The following COMT variants were observed in gnomAD, a reference collection of about 807,000 sequenced individuals.
The protein encoded by COMT is catechol-O-methyltransferase.
In COMT, 13 loss-of-function variants were observed where a neutral mutation model predicts 18.9. That is an observed-to-expected ratio of 0.69 (90% CI 0.45 to 1.09). The LOEUF (loss-of-function observed/expected upper bound fraction) is 1.09. COMT is among the 50% of genes least tolerant of loss of function. The pLI is 0.00. For missense variants in COMT, 329 were observed against 361.8 expected, an observed-to-expected ratio of 0.91 and a Z score of 0.73; for synonymous variants, 150 against 160.9, an observed-to-expected ratio of 0.93 and a Z score of 0.51.
At position 19,962,734 on chromosome 22, in the gene COMT, G is replaced by A. The variant is rs149909767; in HGVS notation, c.208G>A (p.Gly70Arg). The change falls in exon 3 of 6, where the codon GGG becomes AGG. Residue 70 changes from glycine to arginine, a missense_variant. Physicochemically the swap from Gly to Arg is moderately radical, Grantham distance 125 (BLOSUM62 -2). Coordinates refer to ENST00000361682, the MANE Select transcript of COMT (RefSeq NM_000754.4). ...CCACGTGCTGCAGCATGCGGAGCCC[G>A]GGAACGCACAGAGCGTGCTGGAGGC... ...LNHVLQHAEP[G>R]NAQSVLEAID... 10 of 1,613,752 alleles carry A rather than the reference G, an allele frequency of 6.2e-6. No homozygotes were observed. The highest frequency in any genetic ancestry group is 4.0e-5 in the African/African-American group (3 of 75,062).
Position 19,941,874 on chromosome 22 carries a change from C to G in COMT, c.-115C>G. 7.2e-7 allele frequency: 1 copy of G among 1,392,150 alleles called. No homozygotes were observed. The highest frequency in any genetic ancestry group is 9.3e-7 in the Non-Finnish European group (1 of 1,078,838). 86.2% of individuals were successfully genotyped at this position (1,392,150 alleles called of 1,614,324 possible). On this transcript the variant is annotated 5_prime_UTR_variant, in exon 1 of 6. Transcript: ENST00000361682. The stretch of plus-strand genomic sequence containing the variant: ...TGCGCCGGACCGGGGCGGGTCCAGT[C>G]CCGGGCGGGCCGTCGCGGGAGAGGT...
chr22:19,941,859 C>G lies in COMT; in HGVS notation c.-130C>G, dbSNP rs1320001404. On this transcript the variant is annotated 5_prime_UTR_variant, in exon 1 of 6. Coordinates refer to ENST00000361682, the MANE Select transcript of COMT (RefSeq NM_000754.4). ...GCCCGCCGCGCTGCCTGCGCCGGAC[C>G]GGGGCGGGTCCAGTCCCGGGCGGGC... 3 of 1,454,682 alleles carry G rather than the reference C, an allele frequency of 2.1e-6. No individual in the cohort carries two copies. The highest frequency in any genetic ancestry group is 2.6e-5 in the Admixed American group (1 of 38,558). The allele number at this position is 1,454,682 out of a possible 1,614,324, so 90.1% of individuals were successfully genotyped here.
intron 1 of COMT, among the ~76,000 whole-genome samples, chr22:19,943,825 CTG>C (rs34218527): frequency 3.5e-4 from 53 of 152,192 alleles, no homozygotes; most frequent in African/African-American, 1.0e-3. Flanking sequence ...GGTGTGAAGT[CTG>C]TGATGATGGC....
chr22:19,963,651 C>T lies in COMT; in HGVS notation c.375C>T (p.Arg125=), dbSNP rs1223964672. The part of the protein sequence containing the change: ...LGAYCGYSAV[R]MARLLSPGAR... The stretch of plus-strand genomic sequence containing the variant: ...CCTACTGTGGCTACTCAGCTGTGCG[C>T]ATGGCCCGCCTGCTGTCACCAGGGG... Residue 125 remains arginine (R), a synonymous_variant, in exon 4 of 6, where the codon CGC becomes CGT. Transcript: ENST00000361682. 3 of 1,612,950 alleles carry T rather than the reference C, an allele frequency of 1.9e-6. No homozygotes were observed. Among genetic ancestry groups the T allele is most frequent in the Non-Finnish European group, 2.5e-6 (3 of 1,180,004 alleles).
chr22:19,962,417 T>G, intron 2 of COMT, 110 bp from the exon 3 acceptor site: 3 of 1,508,460 alleles, frequency 2.0e-6, no homozygotes, highest in Non-Finnish European at 2.7e-6. Flanking sequence ...TTTCTGAACC[T>G]TGCCCCTCTG....
intron 1 of COMT, among the ~76,000 whole-genome samples, chr22:19,957,731 G>T (rs926843336): frequency 5.9e-5 from 9 of 152,242 alleles, no homozygotes. Context: ...GCCCTCTACT[G>T]TGCTGGAGAG....
chr22:19,966,775 C>T (rs1225336428), intron 5 of COMT, among the ~76,000 whole-genome samples: 2 of 147,416 alleles, frequency 1.4e-5, no homozygotes, highest in Non-Finnish European at 3.0e-5. Context: ...GACAGTCTCT[C>T]GCTCTGTCGC....
chr22:19,958,442 G>A (rs941319477), intron 1 of COMT, among the ~76,000 whole-genome samples: 18 of 151,984 alleles, frequency 1.2e-4, no homozygotes, highest in Admixed American at 8.5e-4. Flanking sequence ...TGGAATTACA[G>A]TCATGAGCCA....
rs1942222499 is a variant in COMT, at chr22:19,962,671, C to G, written c.145C>G (p.Leu49Val). 1.2e-6 allele frequency: 2 copies of G among 1,613,072 alleles called. No individual in the cohort carries two copies. Among genetic ancestry groups the G allele is most frequent in the Non-Finnish European group, 1.7e-6 (2 of 1,179,866 alleles). Reference sequence around the variant, plus strand: ...GTTCATCCTGCAGCCCATCCACAACCTGCTCATGGGTGACACCAAGGAGCA... The same window carrying G: ...GTTCATCCTGCAGCCCATCCACAACGTGCTCATGGGTGACACCAAGGAGCA... ...NEFILQPIHN[L>V]LMGDTKEQRI... is the part of the protein sequence containing the mutation. Residue 49 changes from leucine to valine, a missense_variant, in exon 3 of 6, where the codon CTG (leucine) becomes GTG (valine). Transcript: ENST00000361682.
At chr22:19,944,793 G>T (rs750366452) in intron 1 of COMT, among the ~76,000 whole-genome samples, 1 of 152,168 alleles carries the variant, frequency 6.6e-6, no homozygotes, top group Admixed American at 6.5e-5. Flanking sequence ...CTGCACTCCA[G>T]CCTGGGCGAC....
In COMT at chr22:19,961,213, T is replaced by TTGC. The variant is rs1466274822; in HGVS notation, c.-73_-71dup. On this transcript the variant is annotated 5_prime_UTR_variant, in exon 2 of 6. Transcript: ENST00000361682. ...GATTTCCACAGAAATAACATCTGCT[T>TTGC]TGCTGCCGAGCTCAGAGGAGACCCC... 1.3e-5 allele frequency: 2 copies of TTGC among 152,318 alleles called. No homozygotes were observed. The highest frequency in any genetic ancestry group is 3.8e-4 in the East Asian group (2 of 5,200). 9.4% of individuals were successfully genotyped at this position (152,318 alleles called of 1,614,324 possible).
chr22:19,942,402 C>T (rs1941751548), intron 1 of COMT, among the ~76,000 whole-genome samples: 2 of 151,830 alleles, frequency 1.3e-5, no homozygotes, highest in African/African-American at 4.9e-5. Flanking sequence ...CCAACAGGCT[C>T]CCTGTTGGAG....
rs1327666125 is a variant in COMT, at chr22:19,969,409, T to C, written c.*673T>C. ...TCCTTCCCTACTCCCCACTGGGCCT[T>C]GCTTACAGAAGAGGCAATGGCTCAG... On this transcript the variant is annotated 3_prime_UTR_variant, in exon 6 of 6. Coordinates refer to ENST00000361682, the MANE Select transcript of COMT (RefSeq NM_000754.4). The C allele has an allele frequency of 6.6e-6, 1 of 152,520 alleles. No homozygotes were observed. Among genetic ancestry groups the C allele is most frequent in the Non-Finnish European group, 1.5e-5 (1 of 68,360 alleles). 9.4% of individuals were successfully genotyped at this position (152,520 alleles called of 1,614,324 possible). A position where few individuals can be genotyped will look rare whatever the true frequency, so the allele number is the denominator to read the frequency against.
intron 5 of COMT, 28 bp from the exon 6 acceptor site, chr22:19,968,508 C>A (rs1457902843): frequency 1.2e-6 from 2 of 1,608,262 alleles, no homozygotes. Flanking sequence ...CTGACCCTCA[C>A]CTCCCCCACC....
In COMT at chr22:19,950,248, T is replaced by TCC. The variant is rs1569126180; in HGVS notation, c.-92+8351_-92+8352insCC. Among the ~76,000 whole-genome samples the TCC allele has an allele frequency of 1.9e-3, 217 of 114,734 alleles. 1 individual carries two copies. Among genetic ancestry groups the TCC allele is most frequent in the Non-Finnish European group, 2.8e-3 (142 of 51,164 alleles). The allele number at this position is 114,734 out of a possible 152,430, so 75.3% of individuals were successfully genotyped here. On this transcript the variant is annotated intron_variant, in intron 1 of 5. Coordinates refer to ENST00000361682, the MANE Select transcript of COMT (RefSeq NM_000754.4). ...TTTCTTTTCTTTTCTTTTCTTTTTT[T>TCC]TTTTTTTTTTTTTTTCTGTAGAGAC... is the stretch of plus-strand genomic sequence containing the variant.
At chr22:19,965,153 G>C (rs1012607634) in intron 5 of COMT, 1 of 155,366 alleles carries the variant, frequency 6.4e-6, no homozygotes, top group Non-Finnish European at 1.4e-5. Context: ...AAAGGGCAGA[G>C]AATGTTCCAG....
intron 1 of COMT, among the ~76,000 whole-genome samples, chr22:19,960,253 T>A (rs1942164178): frequency 6.6e-6 from 1 of 152,260 alleles, no homozygotes; most frequent in South Asian, 2.1e-4. Context: ...TTTCTAACAC[T>A]GTTTTTTAAA....
intron 1 of COMT, among the ~76,000 whole-genome samples, chr22:19,943,655 AT>A: frequency 6.6e-6 from 1 of 151,620 alleles, no homozygotes; most frequent in Non-Finnish European, 1.5e-5. Flanking sequence ...AAAAAAAATA[AT>A]AATAAAATAA....
In COMT at chr22:19,968,894, G is replaced by A. The variant is rs9332380; in HGVS notation, c.*158G>A. The A allele has an allele frequency of 3.9e-3, 2,599 of 665,956 alleles. 57 individuals are homozygous for A. In the African/African-American group the frequency reaches 0.041, roughly 10 times the overall value. The allele number at this position is 665,956 out of a possible 1,614,324, so 41.3% of individuals were successfully genotyped here. On this transcript the variant is annotated 3_prime_UTR_variant, in exon 6 of 6. Coordinates refer to ENST00000361682, the MANE Select transcript of COMT (RefSeq NM_000754.4). ...CCTGACATGCTAACCTCTCTGAACT[G>A]CAACACTGGATTGTTCTTTTTTAAG...
Sources: gnomAD v4.1 joint callset for allele counts (sites outside exome capture counted in the v4.1 genomes callset) on GRCh38, gnomAD v4.1.1 for gene constraint, MANE v1.5 for transcripts, NCBI Gene and HGNC (gene_info 2026-07-23, HGNC 2026-07-21) for gene names.